FHIT: variants seen among roughly 807,000 people sequenced by gnomAD.
FHIT encodes bis(5'-adenosyl)-triphosphatase.
FHIT carries 19 observed loss-of-function variants against 17.9 expected under a neutral mutation model. The observed-to-expected ratio is 1.06, with a 90% confidence interval of 0.74 to 1.56. The LOEUF is 1.56. FHIT is among the 40% of genes most tolerant of loss of function. FHIT has a pLI of 0.00. For missense variants in FHIT, 248 were observed against 189.2 expected (o/e 1.31, Z -1.82); for synonymous variants, 81 against 69.7 (o/e 1.16, Z -0.81).
rs182714448 is a variant in FHIT, at chr3:60,196,930, G to A, written c.104-182778C>T. 1.6e-4 allele frequency among the ~76,000 whole-genome samples: 25 copies of A among 152,048 alleles called. No homozygotes were observed. The East Asian group carries it at 4.5e-3, about 27-fold the overall frequency. On this transcript the variant is annotated intron_variant, in intron 5 of 9. Coordinates refer to ENST00000492590, the MANE Select transcript of FHIT (RefSeq NM_002012.4). The stretch of plus-strand genomic sequence containing the variant: ...TATGGATCATGTACTGGGGACCACA[G>A]GTAAGTACATACAGCCATGCAGACA...
chr3:60,727,188 C>T (rs2041933146), intron 4 of FHIT, among the ~76,000 whole-genome samples: 1 of 151,830 alleles, frequency 6.6e-6, no homozygotes, highest in Non-Finnish European at 1.5e-5. Flanking sequence ...CTACCCATAC[C>T]GAGAAAGACG....
At chr3:60,885,582 G>C (rs1399636891) in intron 3 of FHIT, among the ~76,000 whole-genome samples, 2 of 152,088 alleles carry the variant, frequency 1.3e-5, no homozygotes, top group African/African-American at 4.8e-5. Flanking sequence ...AGAAATTCCA[G>C]TCTCCCAGCC....
chr3:60,436,479 C>T (rs2030255591), intron 5 of FHIT, among the ~76,000 whole-genome samples: 2 of 152,082 alleles, frequency 1.3e-5, no homozygotes, highest in African/African-American at 4.8e-5. Context: ...GCTGAGGACA[C>T]AGCAGTGAAT....
chr3:60,124,021 G>GAC (rs1705409533), intron 5 of FHIT, among the ~76,000 whole-genome samples: 1 of 85,576 alleles, frequency 1.2e-5, no homozygotes, highest in African/African-American at 4.7e-5. Context: ...GAGAGAGAGA[G>GAC]AGAGAGAGAG....
At chr3:61,207,180 T>C (rs1334312936) in intron 1 of FHIT, among the ~76,000 whole-genome samples, 1 of 152,214 alleles carries the variant, frequency 6.6e-6, no homozygotes, top group Non-Finnish European at 1.5e-5. Flanking sequence ...CACTTGATCA[T>C]GGTGGATAAG....
intron 1 of FHIT, among the ~76,000 whole-genome samples, chr3:61,210,593 G>A (rs1038282957): frequency 2.0e-5 from 3 of 152,186 alleles, no homozygotes. Flanking sequence ...GTGGGCGTAG[G>A]GCCCTCCGAG....
Position 59,986,524 on chromosome 3 carries a change from T to C in FHIT, c.279+24847A>G, listed in dbSNP as rs1210825122. 3.9e-3 allele frequency among the ~76,000 whole-genome samples: 16 copies of C among 4,058 alleles called. 2 individuals are homozygous for C. Among genetic ancestry groups the C allele is most frequent in the Middle Eastern group, 0.25 (1 of 4 alleles). 2.7% of individuals were successfully genotyped at this position (4,058 alleles called of 152,430 possible). On this transcript the variant is annotated intron_variant, in intron 7 of 9. Transcript: ENST00000492590. ...ATATATATATATATATATATATATATATATATATATATATATACACACACA... is the reference window on the plus strand; with the variant it reads ...ATATATATATATATATATATATATACATATATATATATATATACACACACA...
chr3:60,655,214 G>C (rs9847604), intron 4 of FHIT, among the ~76,000 whole-genome samples: 40,926 of 152,064 alleles, frequency 0.27, 6,517 homozygotes, highest in East Asian at 0.75. Flanking sequence ...TTGCATTTAG[G>C]GAGCTCAGCT....
At chr3:61,022,968 A>C (rs892832031) in intron 3 of FHIT, among the ~76,000 whole-genome samples, 4 of 152,204 alleles carry the variant, frequency 2.6e-5, no homozygotes, top group Non-Finnish European at 5.9e-5. Context: ...CTGCTATTCA[A>C]CATAGTGTTG....
chr3:60,375,533 C>T lies in FHIT; in HGVS notation c.103+161327G>A, dbSNP rs373052152. ...GAGGTTGCAGTGAGCAGAGATCACG[C>T]CACTGCACTCCAGCCTGGGTGACAC... On this transcript the variant is annotated intron_variant, in intron 5 of 9. Coordinates refer to ENST00000492590, the MANE Select transcript of FHIT (RefSeq NM_002012.4). 7.6e-4 allele frequency among the ~76,000 whole-genome samples: 115 copies of T among 152,152 alleles called. 1 individual carries two copies. The highest frequency in any genetic ancestry group is 2.5e-3 in the African/African-American group (102 of 41,506).
chr3:60,367,184 G>A (rs1178519300), intron 5 of FHIT, among the ~76,000 whole-genome samples: 1 of 152,152 alleles, frequency 6.6e-6, no homozygotes, highest in Admixed American at 6.5e-5. Flanking sequence ...GAGGATCAGT[G>A]TTTTTAATGT....
intron 3 of FHIT, among the ~76,000 whole-genome samples, chr3:60,915,134 A>C (rs1046890437): frequency 4.6e-5 from 7 of 152,186 alleles, no homozygotes; most frequent in Non-Finnish European, 4.4e-5. Context: ...TAACTTTTTT[A>C]GGAGTGTATT....
chr3:60,458,468 T>A (rs1215972202), intron 5 of FHIT, among the ~76,000 whole-genome samples: 1 of 150,566 alleles, frequency 6.6e-6, no homozygotes, highest in African/African-American at 2.4e-5. Flanking sequence ...GGGATAGCAT[T>A]AGGAGATATA....
At chr3:60,829,437 C>T (rs569178992) in intron 3 of FHIT, among the ~76,000 whole-genome samples, 39 of 152,294 alleles carry the variant, frequency 2.6e-4, no homozygotes, top group East Asian at 2.5e-3. Context: ...GGCCTACCAA[C>T]TTATACTACT....
chr3:59,961,015 C>T (rs779332598), intron 7 of FHIT, among the ~76,000 whole-genome samples: 2 of 152,140 alleles, frequency 1.3e-5, no homozygotes, highest in African/African-American at 4.8e-5. Context: ...TCATTCATTT[C>T]GTGAAAGCCA....
At chr3:59,804,663 T>C (rs746365202) in intron 8 of FHIT, among the ~76,000 whole-genome samples, 2 of 152,204 alleles carry the variant, frequency 1.3e-5, no homozygotes, top group African/African-American at 2.4e-5. Flanking sequence ...AGTCATTTAC[T>C]TGGCGTATGC....
chr3:60,143,057 G>C (rs1356799811), intron 5 of FHIT, among the ~76,000 whole-genome samples: 1 of 152,130 alleles, frequency 6.6e-6, no homozygotes, highest in African/African-American at 2.4e-5. Flanking sequence ...AACTGGGTCT[G>C]CGGCACAATT....
intron 8 of FHIT, among the ~76,000 whole-genome samples, chr3:59,836,538 C>T (rs1432599097): frequency 1.3e-5 from 2 of 152,152 alleles, no homozygotes; most frequent in Non-Finnish European, 2.9e-5. Context: ...TGAGCTTGGC[C>T]CTGCGGTTTG....
chr3:60,163,174 C>A (rs1701013932), intron 5 of FHIT, among the ~76,000 whole-genome samples: 1 of 152,132 alleles, frequency 6.6e-6, no homozygotes, highest in African/African-American at 2.4e-5. Context: ...AAACTGAGAA[C>A]TGCACAGGTC....
Sources: gnomAD v4.1 joint callset for allele counts (sites outside exome capture counted in the v4.1 genomes callset) on GRCh38, gnomAD v4.1.1 for gene constraint, MANE v1.5 for transcripts, NCBI Gene and HGNC (gene_info 2026-07-23, HGNC 2026-07-21) for gene names.